TTC28: variants seen among roughly 807,000 people sequenced by gnomAD.
The protein encoded by TTC28 is tetratricopeptide repeat domain 28.
In TTC28, 61 loss-of-function variants were observed where a neutral mutation model predicts 198.0. The observed-to-expected ratio is 0.31, with a 90% CI of 0.25 to 0.38. TTC28 has a LOEUF of 0.38. Ranked by LOEUF, TTC28 falls within the 10% of genes least tolerant of loss-of-function variation. The probability of loss-of-function intolerance (pLI) is 1.00; values close to 1 mark genes in which losing one functional copy is unlikely to be tolerated. For synonymous variants in TTC28, 1,171 were observed against 1,297.8 expected (o/e 0.90, Z 2.10); for missense variants, 2,678 against 3,164.0 (o/e 0.85, Z 3.69).
At chr22:28,283,835 C>T (rs1274543908) in intron 5 of TTC28, among the ~76,000 whole-genome samples, 1 of 152,126 alleles carries the variant, frequency 6.6e-6, no homozygotes, top group Non-Finnish European at 1.5e-5. Flanking sequence ...AGGTGCATGC[C>T]ACTACATGTC....
intron 5 of TTC28, among the ~76,000 whole-genome samples, chr22:28,282,137 T>C (rs2044595672): frequency 6.6e-6 from 1 of 152,220 alleles, no homozygotes; most frequent in East Asian, 1.9e-4. Context: ...TTCCAGTTTC[T>C]GCCTGTTTGG....
In TTC28 at chr22:27,978,517, GC is replaced by G. The variant is rs1936918440; in HGVS notation, c.*3703del. The G allele has an allele frequency of 6.6e-6, 1 of 152,314 alleles. No homozygotes were observed. Among genetic ancestry groups the G allele is most frequent in the Non-Finnish European group, 1.5e-5 (1 of 68,094 alleles). The allele number at this position is 152,314 out of a possible 1,614,324, so 9.4% of individuals were successfully genotyped here. Reference sequence around the variant, plus strand: ...CTGGGAGGTGGCAGAATCGGCACGGGCCAGGGACCGGCTGCAGTGATCATAT... The same window carrying G: ...CTGGGAGGTGGCAGAATCGGCACGGGCAGGGACCGGCTGCAGTGATCATAT... On this transcript the variant is annotated 3_prime_UTR_variant, in exon 23 of 23. Coordinates refer to ENST00000397906, the MANE Select transcript of TTC28 (RefSeq NM_001145418.2).
At chr22:28,564,133 G>A (rs1251585675) in intron 2 of TTC28, among the ~76,000 whole-genome samples, 1 of 152,142 alleles carries the variant, frequency 6.6e-6, no homozygotes, top group Non-Finnish European at 1.5e-5. Flanking sequence ...TGATGGAAGA[G>A]GAAATGGGGA....
intron 2 of TTC28, among the ~76,000 whole-genome samples, chr22:28,612,503 C>A (rs2050835675): frequency 6.6e-6 from 1 of 152,138 alleles, no homozygotes; most frequent in Admixed American, 6.6e-5. Flanking sequence ...AACTCTCCAC[C>A]CAAAATCAAC....
chr22:28,479,689 A>G (rs1002973178), intron 2 of TTC28, among the ~76,000 whole-genome samples: 3 of 152,212 alleles, frequency 2.0e-5, no homozygotes, highest in African/African-American at 7.2e-5. Context: ...TTACATGAGC[A>G]TAAGTATATA....
chr22:28,164,958 A>C (rs1337496414), intron 5 of TTC28, among the ~76,000 whole-genome samples: 1 of 152,252 alleles, frequency 6.6e-6, no homozygotes, highest in East Asian at 1.9e-4. Context: ...GCTAACTAGA[A>C]TAACCAATGC....
chr22:28,021,334 C>T (rs1042575945), intron 13 of TTC28, among the ~76,000 whole-genome samples: 1 of 152,176 alleles, frequency 6.6e-6, no homozygotes, highest in Admixed American at 6.5e-5. Context: ...GCTCCACACA[C>T]ATCAACCCAG....
At chr22:28,388,940 C>T (rs2046665213) in intron 2 of TTC28, among the ~76,000 whole-genome samples, 4 of 152,246 alleles carry the variant, frequency 2.6e-5, no homozygotes, top group Admixed American at 2.6e-4. Context: ...GGGAATGCTT[C>T]CAGTTTTTGC....
intron 5 of TTC28, among the ~76,000 whole-genome samples, chr22:28,283,315 C>T (rs76345998): frequency 4.0e-5 from 5 of 126,454 alleles, no homozygotes; most frequent in Non-Finnish European, 7.3e-5. Context: ...CAACTACATT[C>T]TTTCTCTCTT....
intron 2 of TTC28, among the ~76,000 whole-genome samples, chr22:28,498,978 C>A (rs898945649): frequency 2.0e-5 from 3 of 152,038 alleles, no homozygotes; most frequent in Non-Finnish European, 2.9e-5. Flanking sequence ...GAGTTTGAAA[C>A]CGGTCTGGGC....
At chr22:28,340,582 T>C (rs76932033) in intron 2 of TTC28, among the ~76,000 whole-genome samples, 1,694 of 152,282 alleles carry the variant, frequency 0.011, 41 homozygotes, top group African/African-American at 0.039. Flanking sequence ...ACACATGTGA[T>C]TGGCAACAAG....
rs751596999 is a variant in TTC28 at position 28,519,974 on chromosome 22, AAGAG to A, written c.381+109574_381+109577del. Reference sequence around the variant, plus strand: ...TTCTACTTAAGACAAAGTAAAGAGAAAGAGAGAGAGTCCTTTGAGTATATCTGTA... The same window carrying A: ...TTCTACTTAAGACAAAGTAAAGAGAAAGAGAGTCCTTTGAGTATATCTGTA... On this transcript the variant is annotated intron_variant, in intron 2 of 22. Coordinates refer to ENST00000397906, the MANE Select transcript of TTC28 (RefSeq NM_001145418.2). Among the ~76,000 whole-genome samples, 44 of 152,056 alleles carry A rather than the reference AAGAG, an allele frequency of 2.9e-4. 1 individual carries two copies. The South Asian group carries it at 7.7e-3, about 26-fold the overall frequency.
At chr22:28,174,284 C>T (rs1420881063) in intron 5 of TTC28, among the ~76,000 whole-genome samples, 1 of 152,168 alleles carries the variant, frequency 6.6e-6, no homozygotes, top group Non-Finnish European at 1.5e-5. Context: ...TATAATGACC[C>T]TGGTTCAGAA....
intron 2 of TTC28, among the ~76,000 whole-genome samples, chr22:28,336,587 A>G (rs529906624): frequency 1.3e-5 from 2 of 152,068 alleles, no homozygotes; most frequent in South Asian, 4.1e-4. Context: ...GTATCGAGGA[A>G]TTTATCCATT....
At chr22:28,587,141 G>A (rs930641141) in intron 2 of TTC28, among the ~76,000 whole-genome samples, 1 of 152,168 alleles carries the variant, frequency 6.6e-6, no homozygotes, top group Non-Finnish European at 1.5e-5. Flanking sequence ...TGGATCATTT[G>A]AAGCCGGGAG....
chr22:28,140,103 G>A lies in TTC28; in HGVS notation c.1441+22989C>T, dbSNP rs1943296036. Among the ~76,000 whole-genome samples the A allele has an allele frequency of 2.6e-5, 4 of 152,172 alleles. No individual in the cohort carries two copies. In the South Asian group the frequency reaches 6.2e-4, roughly 24 times the overall value. On this transcript the variant is annotated intron_variant, in intron 6 of 22. Transcript: ENST00000397906. ...GGATGTGTGAGTTCCTCCCCCATAA[G>A]GTTGAGAGGGTCTGCTCTGACTCTC...
intron 2 of TTC28, among the ~76,000 whole-genome samples, chr22:28,360,289 T>A (rs569754510): frequency 9.2e-5 from 14 of 152,332 alleles, no homozygotes; most frequent in African/African-American, 3.1e-4. Flanking sequence ...AGTGCTAGAA[T>A]CCTGCTCACT....
chr22:28,541,791 T>C (rs1051710519), intron 2 of TTC28, among the ~76,000 whole-genome samples: 2 of 151,842 alleles, frequency 1.3e-5, no homozygotes, highest in African/African-American at 2.4e-5. Flanking sequence ...ATCTGAAATA[T>C]GAAATTTACT....
chr22:28,135,268 C>G (rs1026978060), intron 6 of TTC28, among the ~76,000 whole-genome samples: 1 of 152,106 alleles, frequency 6.6e-6, no homozygotes, highest in Non-Finnish European at 1.5e-5. Context: ...CCAGTGAGCT[C>G]ACCACTACGT....
Sources: allele counts gnomAD v4.1 joint callset (sites outside exome capture counted in the v4.1 genomes callset), GRCh38; gene constraint gnomAD v4.1.1; transcripts MANE v1.5; gene names NCBI Gene and HGNC (gene_info 2026-07-23, HGNC 2026-07-21).